Variants in NCKAP1L observed in about 807,000 individuals in gnomAD.
NCKAP1L encodes the protein nck-associated protein 1-like.
NCKAP1L carries 53 observed loss-of-function variants against 139.2 expected under a neutral mutation model. That is an observed-to-expected ratio of 0.38 (90% CI 0.31 to 0.48). The LOEUF is 0.48. NCKAP1L is among the 20% of genes least tolerant of loss of function. NCKAP1L has a pLI of 0.98. For missense variants in NCKAP1L, 1,151 were observed against 1,381.9 expected (o/e 0.83, Z 2.65); for synonymous variants, 468 against 499.7 (o/e 0.94, Z 0.85).
chr12:54,521,884 GTA>G (rs1343191328), intron 18 of NCKAP1L, among the ~76,000 whole-genome samples: 7 of 132,116 alleles, frequency 5.3e-5, no homozygotes, highest in Non-Finnish European at 1.1e-4. Context: ...GGGAGTGTGT[GTA>G]TGTGTGTGTG....
In NCKAP1L at chr12:54,518,712, C is replaced by T. The variant is rs1565677251; in HGVS notation, c.1400C>T (p.Ser467Phe). Residue 467 changes from serine to phenylalanine, a missense_variant, in exon 14 of 31, where the codon TCC becomes TTC. Ser to Phe is a radical substitution (Grantham distance 155). Coordinates refer to ENST00000293373, the MANE Select transcript of NCKAP1L (RefSeq NM_005337.5). ...IIMSSFVSIL[S>F]SLNLKQVDNG... is the part of the protein sequence containing the mutation. ...ATGTCCTCATTCGTCAGTATCCTCT[C>T]CTCTCTGAATCTCAAACAAGGTAAC... 6.2e-7 allele frequency: 1 copy of T among 1,613,764 alleles called. No individual in the cohort carries two copies. The highest frequency in any genetic ancestry group is 8.5e-7 in the Non-Finnish European group (1 of 1,179,684).
intron 9 of NCKAP1L, among the ~76,000 whole-genome samples, chr12:54,513,576 A>G (rs1244796822): frequency 6.6e-6 from 1 of 152,220 alleles, no homozygotes; most frequent in African/African-American, 2.4e-5. Flanking sequence ...CCAACAAAGA[A>G]AGCATTCCTA....
At chr12:54,512,394 A>T (rs1443539744) in intron 9 of NCKAP1L, 3 of 260,238 alleles carry the variant, frequency 1.2e-5, no homozygotes, top group Non-Finnish European at 7.5e-6. Context: ...AAGTTGCTCA[A>T]ATTTCCCATG....
rs1201275130 is a variant in NCKAP1L at position 54,526,496 on chromosome 12, T to C, written c.2157-32T>C. On this transcript the variant is annotated intron_variant, in intron 20 of 30. Coordinates refer to ENST00000293373, the MANE Select transcript of NCKAP1L (RefSeq NM_005337.5). Reference sequence around the variant, plus strand: ...GTTACTGTATTTGCCATTATGATTGTAATTCTAATTTTTTTTTTTTAAATC... The same window carrying C: ...GTTACTGTATTTGCCATTATGATTGCAATTCTAATTTTTTTTTTTTAAATC... The C allele has an allele frequency of 4.5e-6, 7 of 1,544,812 alleles. No individual in the cohort carries two copies. The South Asian group carries it at 7.8e-5, about 17-fold the overall frequency.
At chr12:54,511,756 G>A in intron 7 of NCKAP1L, 47 bp from the exon 8 acceptor site, 1 of 1,600,044 alleles carries the variant, frequency 6.2e-7, no homozygotes, top group Admixed American at 1.7e-5. Context: ...CTCCTTTAGA[G>A]GAAGGCCAAG....
chr12:54,513,264 A>G (rs1009156097), intron 9 of NCKAP1L, among the ~76,000 whole-genome samples: 1 of 152,244 alleles, frequency 6.6e-6, no homozygotes, highest in African/African-American at 2.4e-5. Context: ...AGAGCATGTG[A>G]TAAAAGTAAG....
Position 54,542,933 on chromosome 12 carries a change from G to T in NCKAP1L, c.*248G>T. ...AGTTAGGGCGTGGGGCCACATGTGT[G>T]AATTTTACAATGAAAAAAGGAGTAA... On this transcript the variant is annotated 3_prime_UTR_variant, in exon 31 of 31. Coordinates refer to ENST00000293373, the MANE Select transcript of NCKAP1L (RefSeq NM_005337.5). The T allele has an allele frequency of 2.4e-6, 1 of 418,448 alleles. No individual in the cohort carries two copies. Among genetic ancestry groups the T allele is most frequent in the East Asian group, 3.8e-5 (1 of 26,370 alleles). 25.9% of individuals were successfully genotyped at this position (418,448 alleles called of 1,614,324 possible).
chr12:54,537,627 C>A (rs1012836673), intron 29 of NCKAP1L, among the ~76,000 whole-genome samples: 1 of 152,162 alleles, frequency 6.6e-6, no homozygotes, highest in African/African-American at 2.4e-5. Context: ...CTTTCTAACT[C>A]TGTATGGACA....
intron 9 of NCKAP1L, among the ~76,000 whole-genome samples, chr12:54,514,938 A>T (rs1273360238): frequency 2.6e-5 from 4 of 152,262 alleles, no homozygotes; most frequent in Non-Finnish European, 5.9e-5. Flanking sequence ...AAGGGTGTTC[A>T]GTTCTCCATC....
intron 30 of NCKAP1L, among the ~76,000 whole-genome samples, chr12:54,539,416 G>T (rs547628916): frequency 1.3e-5 from 2 of 152,334 alleles, no homozygotes; most frequent in South Asian, 4.1e-4. Flanking sequence ...GGGGCTCAGA[G>T]GAGGGAAAGG....
chr12:54,520,830 G>A lies in NCKAP1L; in HGVS notation c.1758+4G>A, dbSNP rs1956976533. ...TCATGAGATGTGCCCAGAGGAGGTA[G>A]GTATCCTGATCTCCAGACCCTGTCA... On this transcript the variant is annotated splice_donor_region_variant and intron_variant, in intron 17 of 30. Transcript: ENST00000293373. The A allele has an allele frequency of 2.5e-6, 4 of 1,613,942 alleles. No homozygotes were observed. In the Admixed American group the frequency reaches 5.0e-5, roughly 20 times the overall value.
chr12:54,538,935 A>C lies in NCKAP1L; in HGVS notation c.3235A>C (p.Thr1079Pro). 1 of 1,614,050 alleles carries C rather than the reference A, an allele frequency of 6.2e-7. No homozygotes were observed. The highest frequency in any genetic ancestry group is 8.5e-7 in the Non-Finnish European group (1 of 1,179,942). Residue 1079 changes from threonine to proline, a missense_variant, in exon 30 of 31, where the codon ACC (threonine) becomes CCC (proline). Thr to Pro is a conservative substitution (Grantham distance 38, BLOSUM62 -1). Coordinates refer to ENST00000293373, the MANE Select transcript of NCKAP1L (RefSeq NM_005337.5). ...GGGCCAGGAGACTGACAAGCTTAAA[A>C]CCAGAAATCGAGAATCCATTTCTCT... is the stretch of plus-strand genomic sequence containing the variant. ...QLGQETDKLK[T>P]RNRESISLLM...
chr12:54,534,976 A>G (rs1957102789), intron 26 of NCKAP1L, 128 bp from the exon 27 acceptor site: 2 of 604,034 alleles, frequency 3.3e-6, no homozygotes, highest in Non-Finnish European at 5.6e-6. Context: ...CTCTTTCTCT[A>G]CATATATATA....
chr12:54,498,528 G>C (rs1392897647), intron 1 of NCKAP1L, among the ~76,000 whole-genome samples: 2 of 151,820 alleles, frequency 1.3e-5, no homozygotes, highest in East Asian at 1.9e-4. Flanking sequence ...AAAGACAGGG[G>C]TGTTTATGGG....
intron 7 of NCKAP1L, chr12:54,510,405 C>A: frequency 2.5e-6 from 1 of 402,664 alleles, no homozygotes; most frequent in Admixed American, 2.7e-5. Flanking sequence ...CTTACTGCAG[C>A]CTCCACCTCC....
chr12:54,532,173 T>A lies in NCKAP1L; in HGVS notation c.2785T>A (p.Phe929Ile). ...ATTTATCTTCTCTTTCCTCCAGGTT[T>A]TCTCCTCCCACTGCCCATTTCTTAT... ...AMAQEGLREV[F>I]SSHCPFLMGP... is the part of the protein sequence containing the mutation. Residue 929 changes from phenylalanine (F) to isoleucine (I), a missense_variant, in exon 26 of 31, where the codon TTC (phenylalanine) becomes ATC (isoleucine). Coordinates refer to ENST00000293373, the MANE Select transcript of NCKAP1L (RefSeq NM_005337.5). The A allele has an allele frequency of 6.2e-7, 1 of 1,612,650 alleles. No individual in the cohort carries two copies. Among genetic ancestry groups the A allele is most frequent in the Non-Finnish European group, 8.5e-7 (1 of 1,179,136 alleles).
chr12:54,505,515 T>C (rs558389814), intron 3 of NCKAP1L, among the ~76,000 whole-genome samples: 2 of 152,094 alleles, frequency 1.3e-5, no homozygotes, highest in South Asian at 2.1e-4. Flanking sequence ...ACTGATCTAC[T>C]TTCTAGAATA....
At position 54,510,661 on chromosome 12, in the gene NCKAP1L, C is replaced by T. The variant is rs139409397; in HGVS notation, c.735+676C>T. 4.7e-3 allele frequency among the ~76,000 whole-genome samples: 718 copies of T among 151,898 alleles called. 16 individuals are homozygous for T. Among genetic ancestry groups the T allele is most frequent in the East Asian group, 0.041 (211 of 5,168 alleles). ...GGTAGCTGCGACTACAGGCATGTGC[C>T]GCCACACCTGGGTAATTTTTTTTTT... On this transcript the variant is annotated intron_variant, in intron 7 of 30. Transcript: ENST00000293373.
chr12:54,506,917 G>A, intron 3 of NCKAP1L, among the ~76,000 whole-genome samples: 1 of 149,294 alleles, frequency 6.7e-6, no homozygotes, highest in Non-Finnish European at 1.5e-5. Flanking sequence ...ATCAGTGGAA[G>A]AAAGGCTGAA....
Sources: gnomAD v4.1 joint callset for allele counts (sites outside exome capture counted in the v4.1 genomes callset) on GRCh38, gnomAD v4.1.1 for gene constraint, MANE v1.5 for transcripts, NCBI Gene and HGNC (gene_info 2026-07-23, HGNC 2026-07-21) for gene names.